DUSP22: variants seen among roughly 807,000 people sequenced by gnomAD.
DUSP22 encodes dual specificity protein phosphatase 22.
Under a neutral mutation model 24.5 loss-of-function variants are expected in DUSP22, and 24 were observed. That is an observed-to-expected ratio of 0.98 (90% CI 0.71 to 1.38). The LOEUF is 1.38. DUSP22 is among the 40% of genes most tolerant of loss of function. The probability of loss-of-function intolerance (pLI) is 0.00; values close to 1 mark genes in which losing one functional copy is unlikely to be tolerated. For missense variants in DUSP22, 330 were observed against 269.2 expected, an observed-to-expected ratio of 1.23 and a Z score of -1.58; for synonymous variants, 160 against 106.4, an observed-to-expected ratio of 1.50 and a Z score of -3.10.
chr6:311,910 A>G lies in DUSP22; in HGVS notation c.86A>G (p.Asn29Ser). Residue 29 changes from asparagine to serine, a missense_variant, in exon 3 of 7, where the codon AAC becomes AGC. Asn to Ser is a conservative substitution (Grantham distance 46, BLOSUM62 1). Transcript: ENST00000419235. ...AGAGACGCGGAACAATTGAGCAAGA[A>G]CAAGGTGACACATATTCTGTCTGTC... ...DARDAEQLSKNKVTHILSVHD... is the reference protein window; with the variant it reads ...DARDAEQLSKSKVTHILSVHD... 1.2e-6 allele frequency: 2 copies of G among 1,612,946 alleles called. No homozygotes were observed. Among genetic ancestry groups the G allele is most frequent in the Non-Finnish European group, 1.7e-6 (2 of 1,179,282 alleles).
chr6:304,471 C>CT (rs1398109277), intron 1 of DUSP22, among the ~76,000 whole-genome samples, 157 bp from the exon 2 acceptor site: 1 of 152,310 alleles, frequency 6.6e-6, no homozygotes, highest in Non-Finnish European at 1.5e-5. Flanking sequence ...CCACAGGCCG[C>CT]TGGGGATGTT....
intron 2 of DUSP22, among the ~76,000 whole-genome samples, chr6:309,679 AAC>A (rs759885887): frequency 8.2e-4 from 114 of 138,494 alleles, no homozygotes; most frequent in African/African-American, 2.8e-3. Context: ...ACTCATGTAG[AAC>A]ACACACACAC....
At position 344,003 on chromosome 6, in the gene DUSP22, A is replaced by G. The variant is rs543307816; in HGVS notation, c.189-1851A>G. On this transcript the variant is annotated intron_variant, in intron 4 of 6. Coordinates refer to ENST00000419235, the MANE Select transcript of DUSP22 (RefSeq NM_001286555.3). ...CAAAGGTAGAAGACGTTGGAGAGGTACATGTGCTATCCATCCCGAGGTGTC... is the reference window on the plus strand; with the variant it reads ...CAAAGGTAGAAGACGTTGGAGAGGTGCATGTGCTATCCATCCCGAGGTGTC... Among the ~76,000 whole-genome samples the G allele has an allele frequency of 3.0e-4, 45 of 152,396 alleles. No individual in the cohort carries two copies. In the South Asian group the frequency reaches 7.9e-3, roughly 27 times the overall value.
intron 3 of DUSP22, among the ~76,000 whole-genome samples, chr6:327,417 C>A (rs1280081516): frequency 6.6e-6 from 1 of 152,306 alleles, no homozygotes; most frequent in Non-Finnish European, 1.5e-5. Context: ...GCAGTGCTGT[C>A]AGGGCGCATT....
chr6:300,150 T>C (rs952369815), intron 1 of DUSP22, among the ~76,000 whole-genome samples: 1 of 152,304 alleles, frequency 6.6e-6, no homozygotes, highest in Non-Finnish European at 1.5e-5. Flanking sequence ...TAATTGACAA[T>C]ATTTGAAAAT....
At chr6:296,649 C>G (rs1399596169) in intron 1 of DUSP22, among the ~76,000 whole-genome samples, 1 of 152,300 alleles carries the variant, frequency 6.6e-6, no homozygotes, top group Non-Finnish European at 1.5e-5. Context: ...TCCTCACTGT[C>G]TACTTATTAG....
intron 4 of DUSP22, among the ~76,000 whole-genome samples, chr6:344,700 A>C (rs1219644553): frequency 6.6e-6 from 1 of 152,308 alleles, no homozygotes; most frequent in East Asian, 1.9e-4. Flanking sequence ...GTCCTGGGCC[A>C]CACGGTCCAG....
chr6:346,028 A>T, intron 5 of DUSP22, 100 bp downstream of exon 5: 1 of 1,459,670 alleles, frequency 6.9e-7, no homozygotes, highest in Non-Finnish European at 9.5e-7. Context: ...TCACCTCCTA[A>T]TAGTTTTCTG....
intron 3 of DUSP22, among the ~76,000 whole-genome samples, chr6:314,145 CTG>C (rs1454767544): frequency 6.6e-6 from 1 of 152,308 alleles, no homozygotes; most frequent in African/African-American, 2.4e-5. Flanking sequence ...AGCGGGGAGA[CTG>C]TGCGAGGTCA....
intron 5 of DUSP22, among the ~76,000 whole-genome samples, chr6:346,657 G>C (rs1185940058): frequency 6.6e-6 from 1 of 152,302 alleles, no homozygotes; most frequent in African/African-American, 2.4e-5. Context: ...TGTTGTCTAA[G>C]TGCTAGGCCG....
chr6:330,335 T>C (rs1224904484), intron 3 of DUSP22, among the ~76,000 whole-genome samples: 1 of 152,308 alleles, frequency 6.6e-6, no homozygotes, highest in Non-Finnish European at 1.5e-5. Context: ...CTGTAACTGG[T>C]TTCTGTTGGC....
chr6:327,238 G>A (rs1758921634), intron 3 of DUSP22, among the ~76,000 whole-genome samples: 2 of 152,306 alleles, frequency 1.3e-5, no homozygotes, highest in Admixed American at 6.5e-5. Context: ...CCCCAGAAAT[G>A]CCCAGCATCT....
At chr6:337,198 G>A (rs1415466544) in intron 4 of DUSP22, 1 of 152,450 alleles carries the variant, frequency 6.6e-6, no homozygotes, top group Non-Finnish European at 1.5e-5. Context: ...GTAAGTAGTA[G>A]GCGTAGATGT....
intron 3 of DUSP22, among the ~76,000 whole-genome samples, chr6:323,410 G>A (rs1481071593): frequency 1.3e-5 from 2 of 152,300 alleles, no homozygotes; most frequent in Non-Finnish European, 2.9e-5. Flanking sequence ...CTTTTCCCAT[G>A]GGAAAGCAAA....
intron 4 of DUSP22, among the ~76,000 whole-genome samples, chr6:344,190 G>T (rs112924110): frequency 8.4e-4 from 127 of 150,616 alleles, no homozygotes; most frequent in African/African-American, 3.2e-3. Context: ...CGGTTAGGGG[G>T]CTGAATGAGT....
chr6:314,468 A>G (rs1758254639), intron 3 of DUSP22, among the ~76,000 whole-genome samples: 1 of 152,308 alleles, frequency 6.6e-6, no homozygotes. Flanking sequence ...TTTCCAACAA[A>G]CATCTCAATG....
chr6:309,679 A>AACACACACACACACAC (rs759885887), intron 2 of DUSP22, among the ~76,000 whole-genome samples: 46 of 138,426 alleles, frequency 3.3e-4, no homozygotes, highest in East Asian at 1.1e-3. Flanking sequence ...ACTCATGTAG[A>AACACACACACACACAC]ACACACACAC....
chr6:348,406 G>A (rs879229425), intron 6 of DUSP22, 132 bp downstream of exon 6: 539 of 1,423,326 alleles, frequency 3.8e-4, no homozygotes, highest in Non-Finnish European at 4.4e-4. Flanking sequence ...CTCCCAGGGC[G>A]CCCAGCTGCA....
chr6:349,772 C>T lies in DUSP22; in HGVS notation c.*821C>T, dbSNP rs1295234423. ...AGCGCCTTGAGTCAAGGCCACTTTT[C>T]AGCCCATCGAGCCCTGAGTTCTACT... On this transcript the variant is annotated 3_prime_UTR_variant, in exon 7 of 7. Transcript: ENST00000419235. The T allele has an allele frequency of 2.0e-6, 2 of 985,864 alleles. No individual in the cohort carries two copies. The highest frequency in any genetic ancestry group is 3.5e-5 in the African/African-American group (2 of 57,284). 61.1% of individuals were successfully genotyped at this position (985,864 alleles called of 1,614,324 possible). A position where few individuals can be genotyped will look rare whatever the true frequency, so the allele number is the denominator to read the frequency against.
Sources: allele counts gnomAD v4.1 joint callset (sites outside exome capture counted in the v4.1 genomes callset), GRCh38; gene constraint gnomAD v4.1.1; transcripts MANE v1.5; gene names NCBI Gene and HGNC (gene_info 2026-07-23, HGNC 2026-07-21).